Variants in ADAMTS12 observed in about 807,000 individuals in gnomAD.
ADAMTS12 encodes ADAM metallopeptidase with thrombospondin type 1 motif 12, also known as A disintegrin and metalloproteinase with thrombospondin motifs 12.
Under a neutral mutation model 167.8 loss-of-function variants are expected in ADAMTS12, and 118 were observed. That is an observed-to-expected ratio of 0.70 (90% confidence interval 0.61 to 0.82). The LOEUF (loss-of-function observed/expected upper bound fraction) is 0.82, where lower values mean the gene tolerates loss of function less well. Among genes scored for constraint, ADAMTS12 ranks in the 40% least tolerant of loss-of-function variants. The pLI, the probability that ADAMTS12 is intolerant of heterozygous loss-of-function variation, is 0.00. For synonymous variants in ADAMTS12, 704 were observed against 716.9 expected (o/e 0.98, Z 0.29); for missense variants, 1,916 against 1,998.8 (o/e 0.96, Z 0.79).
chr5:33,685,730 G>C (rs914078751), intron 3 of ADAMTS12, among the ~76,000 whole-genome samples: 1 of 152,094 alleles, frequency 6.6e-6, no homozygotes. Flanking sequence ...ATGGGGAGAT[G>C]GTTAACCCCT....
intron 1 of ADAMTS12, among the ~76,000 whole-genome samples, chr5:33,887,413 T>C (rs1422816981): frequency 6.6e-6 from 1 of 152,082 alleles, no homozygotes; most frequent in Non-Finnish European, 1.5e-5. Context: ...ATCTCCAGGG[T>C]CTGTCACCTA....
At chr5:33,878,410 T>C (rs1750307612) in intron 2 of ADAMTS12, among the ~76,000 whole-genome samples, 2 of 152,186 alleles carry the variant, frequency 1.3e-5, no homozygotes, top group Non-Finnish European at 2.9e-5. Context: ...TCATCTTAAC[T>C]AACACTTTGT....
At chr5:33,647,773 T>G (rs1371382402) in intron 9 of ADAMTS12, among the ~76,000 whole-genome samples, 1 of 152,144 alleles carries the variant, frequency 6.6e-6, no homozygotes, top group African/African-American at 2.4e-5. Flanking sequence ...GAGGCAGAAT[T>G]GGCATAACTT....
intron 3 of ADAMTS12, among the ~76,000 whole-genome samples, chr5:33,733,025 T>C (rs1744245648): frequency 6.6e-6 from 1 of 151,444 alleles, no homozygotes; most frequent in African/African-American, 2.4e-5. Context: ...TATTATATAT[T>C]ATATTATATT....
intron 22 of ADAMTS12, among the ~76,000 whole-genome samples, chr5:33,537,257 G>A (rs1426042899): frequency 1.3e-5 from 2 of 152,182 alleles, no homozygotes; most frequent in African/African-American, 4.8e-5. Flanking sequence ...GTAAAGAAGA[G>A]GTTAACATTA....
chr5:33,606,230 G>A (rs1203390203), intron 16 of ADAMTS12, among the ~76,000 whole-genome samples: 1 of 152,240 alleles, frequency 6.6e-6, no homozygotes, highest in African/African-American at 2.4e-5. Context: ...TTACAGGCGT[G>A]AGCCACTGCG....
chr5:33,605,368 T>C (rs1253093514), intron 16 of ADAMTS12, among the ~76,000 whole-genome samples: 1 of 152,196 alleles, frequency 6.6e-6, no homozygotes, highest in East Asian at 1.9e-4. Flanking sequence ...CACACAGAAA[T>C]AAAATGTTGA....
intron 2 of ADAMTS12, among the ~76,000 whole-genome samples, chr5:33,848,918 A>G (rs1749054584): frequency 6.6e-6 from 1 of 151,748 alleles, no homozygotes; most frequent in African/African-American, 2.4e-5. Context: ...TGATATATAT[A>G]TATCGTGGTG....
intron 5 of ADAMTS12, among the ~76,000 whole-genome samples, chr5:33,677,321 A>G (rs1251980661): frequency 6.6e-6 from 1 of 152,240 alleles, no homozygotes; most frequent in Non-Finnish European, 1.5e-5. Context: ...ATGAATGAAG[A>G]CATTTGATTC....
At chr5:33,669,916 A>G (rs956545607) in intron 5 of ADAMTS12, among the ~76,000 whole-genome samples, 3 of 152,090 alleles carry the variant, frequency 2.0e-5, no homozygotes, top group Admixed American at 1.3e-4. Flanking sequence ...TAGAAAAAAA[A>G]CATAGAAAAT....
At chr5:33,819,608 C>A (rs1747795840) in intron 2 of ADAMTS12, among the ~76,000 whole-genome samples, 1 of 151,862 alleles carries the variant, frequency 6.6e-6, no homozygotes, top group Non-Finnish European at 1.5e-5. Flanking sequence ...TTTTAGGATT[C>A]TTTTTCTAGT....
intron 23 of ADAMTS12, among the ~76,000 whole-genome samples, chr5:33,529,302 G>T (rs1004711160): frequency 1.3e-5 from 2 of 152,178 alleles, no homozygotes; most frequent in Admixed American, 1.3e-4. Context: ...ACGAGAGTGG[G>T]TTGCTCAGGG....
intron 2 of ADAMTS12, among the ~76,000 whole-genome samples, chr5:33,819,497 C>T (rs1227401062): frequency 6.6e-6 from 1 of 151,918 alleles, no homozygotes; most frequent in Non-Finnish European, 1.5e-5. Context: ...TAAATTTCGA[C>T]ATGTGATGCC....
intron 2 of ADAMTS12, among the ~76,000 whole-genome samples, chr5:33,828,463 A>C (rs561967102): frequency 6.6e-6 from 1 of 152,314 alleles, no homozygotes; most frequent in Non-Finnish European, 1.5e-5. Context: ...CTGTTAACTC[A>C]GAAATGCTTA....
At position 33,558,749 on chromosome 5, in the gene ADAMTS12, A is replaced by G. The variant is rs111544720; in HGVS notation, c.4125+2278T>C. 8.1e-4 allele frequency among the ~76,000 whole-genome samples: 124 copies of G among 152,370 alleles called. 1 individual carries two copies. Among genetic ancestry groups the G allele is most frequent in the African/African-American group, 2.8e-3 (115 of 41,586 alleles). On this transcript the variant is annotated intron_variant, in intron 20 of 23. Coordinates refer to ENST00000504830, the MANE Select transcript of ADAMTS12 (RefSeq NM_030955.4). ...TTATTCCCAGTGACAGGAAAGTGGA[A>G]CTTTAGGACTTGGTCAACATTTGGC... is the stretch of plus-strand genomic sequence containing the variant.
chr5:33,641,751 C>T (rs1009267593), intron 11 of ADAMTS12, 59 bp downstream of exon 11: 17 of 1,460,942 alleles, frequency 1.2e-5, no homozygotes, highest in Middle Eastern at 1.8e-4. Flanking sequence ...TTCAAGACTG[C>T]CCCCCATCCC....
At chr5:33,778,044 A>G (rs1262333723) in intron 2 of ADAMTS12, among the ~76,000 whole-genome samples, 4 of 152,150 alleles carry the variant, frequency 2.6e-5, no homozygotes, top group East Asian at 3.8e-4. Context: ...AAATGGAAAG[A>G]TATCTCATGT....
intron 2 of ADAMTS12, among the ~76,000 whole-genome samples, chr5:33,877,483 C>A (rs1051098058): frequency 6.6e-6 from 1 of 152,190 alleles, no homozygotes; most frequent in Non-Finnish European, 1.5e-5. Context: ...CTGCGATACT[C>A]ATTCCTGAGG....
intron 20 of ADAMTS12, among the ~76,000 whole-genome samples, chr5:33,554,411 A>G (rs1745399265): frequency 6.6e-6 from 1 of 152,182 alleles, no homozygotes; most frequent in Non-Finnish European, 1.5e-5. Flanking sequence ...AAAGGCTTCT[A>G]TTTAATTGCC....
Sources: allele counts gnomAD v4.1 joint callset (sites outside exome capture counted in the v4.1 genomes callset), GRCh38; gene constraint gnomAD v4.1.1; transcripts MANE v1.5; gene names NCBI Gene and HGNC (gene_info 2026-07-23, HGNC 2026-07-21).